CNTNAP2: variants seen among roughly 807,000 people sequenced by gnomAD.
The protein encoded by CNTNAP2 is contactin associated protein 2.
Under a neutral mutation model 155.2 loss-of-function variants are expected in CNTNAP2, and 98 were observed. The ratio of observed to expected loss-of-function variants is 0.63; its 90% CI spans 0.54 to 0.75. The LOEUF is 0.75. CNTNAP2 is among the 30% of genes least tolerant of loss of function. The pLI is 0.00. For missense variants in CNTNAP2, 1,727 were observed against 1,688.1 expected (o/e 1.02, Z -0.40); for synonymous variants, 651 against 631.2 (o/e 1.03, Z -0.47).
chr7:147,822,132 G>A (rs1008093529), intron 13 of CNTNAP2, among the ~76,000 whole-genome samples: 6 of 152,230 alleles, frequency 3.9e-5, no homozygotes, highest in Middle Eastern at 3.4e-3. Context: ...CTATGGAGTC[G>A]TGGGTAGAGA....
chr7:146,679,768 T>C (rs998534603), intron 1 of CNTNAP2, among the ~76,000 whole-genome samples: 2 of 152,194 alleles, frequency 1.3e-5, no homozygotes, highest in Non-Finnish European at 2.9e-5. Flanking sequence ...TTCTTTCTTT[T>C]CTCTTTTGCC....
chr7:148,220,282 T>G (rs551640144), intron 19 of CNTNAP2, among the ~76,000 whole-genome samples: 1 of 152,150 alleles, frequency 6.6e-6, no homozygotes, highest in African/African-American at 2.4e-5. Flanking sequence ...TTTTGTAATT[T>G]TAGTAGAGAT....
intron 15 of CNTNAP2, among the ~76,000 whole-genome samples, chr7:148,069,216 G>A (rs1023810706): frequency 1.3e-5 from 2 of 152,098 alleles, no homozygotes; most frequent in African/African-American, 4.8e-5. Flanking sequence ...GGAAGTAGAA[G>A]TTTCTAGTCT....
At chr7:148,381,876 C>A (rs974896333) in intron 21 of CNTNAP2, among the ~76,000 whole-genome samples, 3 of 151,860 alleles carry the variant, frequency 2.0e-5, no homozygotes, top group African/African-American at 7.3e-5. Flanking sequence ...ATTGGCCCCC[C>A]CCCAGGGGAA....
At chr7:146,157,223 C>A (rs1366763145) in intron 1 of CNTNAP2, among the ~76,000 whole-genome samples, 1 of 151,820 alleles carries the variant, frequency 6.6e-6, no homozygotes, top group Non-Finnish European at 1.5e-5. Context: ...ATTTTTAATA[C>A]AATTTGAGAA....
At chr7:148,349,530 T>C (rs1798389379) in intron 21 of CNTNAP2, among the ~76,000 whole-genome samples, 1 of 151,208 alleles carries the variant, frequency 6.6e-6, no homozygotes, top group South Asian at 2.1e-4. Context: ...GTCTCCCGAG[T>C]AGCTGGGACT....
At chr7:148,222,298 A>G (rs1006316761) in intron 19 of CNTNAP2, among the ~76,000 whole-genome samples, 3 of 152,210 alleles carry the variant, frequency 2.0e-5, no homozygotes, top group Non-Finnish European at 4.4e-5. Context: ...ATAGTTATGG[A>G]GGCTAAGAAG....
intron 6 of CNTNAP2, among the ~76,000 whole-genome samples, chr7:147,128,058 CTTAAGAT>C (rs141492539): frequency 0.016 from 2,392 of 152,180 alleles, 27 homozygotes; most frequent in South Asian, 0.04. Context: ...TGTCTTATTT[CTTAAGAT>C]TTAAAAGACC....
At chr7:147,216,723 G>T (rs1192270729) in intron 8 of CNTNAP2, among the ~76,000 whole-genome samples, 1 of 151,970 alleles carries the variant, frequency 6.6e-6, no homozygotes, top group Non-Finnish European at 1.5e-5. Context: ...AACATAATTT[G>T]CTGGGGTTTT....
intron 1 of CNTNAP2, among the ~76,000 whole-genome samples, chr7:146,666,626 G>T (rs1345770112): frequency 1.3e-5 from 2 of 152,094 alleles, no homozygotes; most frequent in African/African-American, 4.8e-5. Context: ...CAGTGTATAT[G>T]AGTTCTGTTT....
At chr7:147,896,208 T>A (rs936630539) in intron 13 of CNTNAP2, among the ~76,000 whole-genome samples, 1 of 152,122 alleles carries the variant, frequency 6.6e-6, no homozygotes, top group Non-Finnish European at 1.5e-5. Context: ...ATCATCCCCT[T>A]AGGTCCCATC....
At chr7:147,689,490 C>A (rs1481195788) in intron 13 of CNTNAP2, among the ~76,000 whole-genome samples, 1 of 152,156 alleles carries the variant, frequency 6.6e-6, no homozygotes, top group East Asian at 1.9e-4. Flanking sequence ...TTAAAGAAAT[C>A]ATTCTATCAT....
rs557426745 is a variant in CNTNAP2 at position 148,141,369 on chromosome 7, G to A, written c.2555-6122G>A. Among the ~76,000 whole-genome samples, 5 of 152,352 alleles carry A rather than the reference G, an allele frequency of 3.3e-5. No individual in the cohort carries two copies. The South Asian group carries it at 1.0e-3, about 32-fold the overall frequency. On this transcript the variant is annotated intron_variant, in intron 16 of 23. Transcript: ENST00000361727. ...GTTTTAAACAGACATAACTAATGTA[G>A]CATGCTCTTAGACTGAGAAAATATT...
chr7:147,184,797 C>A (rs1802530873), intron 8 of CNTNAP2, among the ~76,000 whole-genome samples: 1 of 152,044 alleles, frequency 6.6e-6, no homozygotes, highest in Non-Finnish European at 1.5e-5. Flanking sequence ...CAAAACGAAC[C>A]AAAAATGTTA....
At chr7:147,280,681 A>T (rs1310502942) in intron 8 of CNTNAP2, among the ~76,000 whole-genome samples, 2 of 151,950 alleles carry the variant, frequency 1.3e-5, no homozygotes, top group Admixed American at 6.6e-5. Flanking sequence ...AAGAATTAGT[A>T]ACAATAACTG....
chr7:146,128,176 TTC>T (rs1176788260), intron 1 of CNTNAP2, among the ~76,000 whole-genome samples: 2 of 152,198 alleles, frequency 1.3e-5, no homozygotes, highest in Non-Finnish European at 2.9e-5. Flanking sequence ...CCTGTATTTT[TTC>T]CCTTAGGCTG....
rs76424177 is a variant in CNTNAP2 at position 146,316,191 on chromosome 7, CT to C, written c.97+199227del. ...TAATGATAATGTATTTTGAAAGCAGCTTTTTTTTTGTTCCTATATACCCCAA... is the reference window on the plus strand; with the variant it reads ...TAATGATAATGTATTTTGAAAGCAGCTTTTTTTTGTTCCTATATACCCCAA... On this transcript the variant is annotated intron_variant, in intron 1 of 23. Coordinates refer to ENST00000361727, the MANE Select transcript of CNTNAP2 (RefSeq NM_014141.6). 5.3e-3 allele frequency among the ~76,000 whole-genome samples: 798 copies of C among 151,250 alleles called. 38 individuals carry two copies. In the South Asian group the frequency reaches 0.084, roughly 16 times the overall value.
chr7:147,229,995 A>G (rs774835372), intron 8 of CNTNAP2, among the ~76,000 whole-genome samples: 2 of 152,154 alleles, frequency 1.3e-5, no homozygotes, highest in Non-Finnish European at 2.9e-5. Context: ...ACGAGTTTCC[A>G]ATCTTTAAGC....
chr7:147,366,937 G>A (rs1432721323), intron 9 of CNTNAP2, among the ~76,000 whole-genome samples: 1 of 152,052 alleles, frequency 6.6e-6, no homozygotes, highest in Non-Finnish European at 1.5e-5. Context: ...ATTTTCTGGA[G>A]CGGACTGTAT....
Sources: allele counts gnomAD v4.1 joint callset (sites outside exome capture counted in the v4.1 genomes callset), GRCh38; gene constraint gnomAD v4.1.1; transcripts MANE v1.5; gene names NCBI Gene and HGNC (gene_info 2026-07-23, HGNC 2026-07-21).